Variants in KLHL18 observed in about 807,000 individuals in gnomAD.
KLHL18 encodes the protein kelch like family member 18.
In KLHL18, 38 loss-of-function variants were observed where a neutral mutation model predicts 58.5. The observed-to-expected ratio is 0.65, with a 90% CI of 0.50 to 0.85. The LOEUF (loss-of-function observed/expected upper bound fraction) is 0.85. Ranked by LOEUF, KLHL18 falls within the 40% of genes least tolerant of loss-of-function variation. The pLI is 0.00. For missense variants in KLHL18, 624 were observed against 778.4 expected (o/e 0.80, Z 2.36); for synonymous variants, 303 against 301.9 (o/e 1.00, Z -0.04).
Position 47,342,841 on chromosome 3 carries a change from G to C in KLHL18, c.1338+11G>C. 3.2e-6 allele frequency: 5 copies of C among 1,585,178 alleles called. No individual in the cohort carries two copies. Among genetic ancestry groups the C allele is most frequent in the Non-Finnish European group, 4.3e-6 (5 of 1,153,742 alleles). ...CAGATCTTCAGCAGTGTGAGTCTGG[G>C]CTCCCCCTGGGATAAGGGTACCTAC... is the stretch of plus-strand genomic sequence containing the variant. On this transcript the variant is annotated intron_variant, in intron 9 of 9. Transcript: ENST00000232766.
rs558800282 is a variant in KLHL18 at position 47,326,543 on chromosome 3, C to T, written c.402-3408C>T. 8.2e-4 allele frequency among the ~76,000 whole-genome samples: 125 copies of T among 152,260 alleles called. 1 individual carries two copies. The highest frequency in any genetic ancestry group is 3.3e-3 in the Admixed American group (50 of 15,290). On this transcript the variant is annotated intron_variant, in intron 3 of 9. Coordinates refer to ENST00000232766, the MANE Select transcript of KLHL18 (RefSeq NM_025010.5). The stretch of plus-strand genomic sequence containing the variant: ...CCTTTCCTGTGTGGCCGCTCTCCTT[C>T]CTTTTCCCCCACTAATTGCCTCACA...
At position 47,339,823 on chromosome 3, in the gene KLHL18, G is replaced by A. The variant is rs567183291; in HGVS notation, c.1122-749G>A. ...ACTCTTAACAATCCCAGCACTTTGG[G>A]AGGCTGAGACAAGAGGACAGAAGTT... is the stretch of plus-strand genomic sequence containing the variant. On this transcript the variant is annotated intron_variant, in intron 7 of 9. Transcript: ENST00000232766. 5.9e-5 allele frequency among the ~76,000 whole-genome samples: 9 copies of A among 151,840 alleles called. 1 individual carries two copies. In the South Asian group the frequency reaches 1.9e-3, roughly 32 times the overall value.
chr3:47,311,049 G>A (rs546285314), intron 1 of KLHL18, among the ~76,000 whole-genome samples: 2 of 149,970 alleles, frequency 1.3e-5, no homozygotes, highest in Non-Finnish European at 3.0e-5. Context: ...TCGCTCTGTC[G>A]CCCAGGCTGG....
At chr3:47,301,001 T>C (rs1329472649) in intron 1 of KLHL18, among the ~76,000 whole-genome samples, 1 of 152,172 alleles carries the variant, frequency 6.6e-6, no homozygotes, top group Non-Finnish European at 1.5e-5. Context: ...TTCTTATGTG[T>C]TTATTTGCCA....
chr3:47,286,322 G>A (rs1702676423), intron 1 of KLHL18, among the ~76,000 whole-genome samples: 1 of 152,116 alleles, frequency 6.6e-6, no homozygotes, highest in South Asian at 2.1e-4. Flanking sequence ...TGCAAACCAG[G>A]CTCTGCACAT....
chr3:47,320,749 A>T (rs1199957585), intron 2 of KLHL18, among the ~76,000 whole-genome samples: 3 of 152,020 alleles, frequency 2.0e-5, no homozygotes. Flanking sequence ...CCACATCTTT[A>T]TAAAAAAAAA....
intron 1 of KLHL18, among the ~76,000 whole-genome samples, chr3:47,314,289 T>G (rs533839894): frequency 5.8e-4 from 89 of 152,158 alleles, no homozygotes; most frequent in Admixed American, 2.4e-3. Flanking sequence ...CATAAACCAC[T>G]GTGCCCAGCA....
chr3:47,312,379 T>C (rs933616040), intron 1 of KLHL18, among the ~76,000 whole-genome samples: 5 of 152,348 alleles, frequency 3.3e-5, no homozygotes, highest in Admixed American at 6.5e-5. Flanking sequence ...AGAAGTATAT[T>C]TTTAGAGGTG....
At chr3:47,319,268 C>A (rs1703527604) in intron 1 of KLHL18, among the ~76,000 whole-genome samples, 1 of 152,158 alleles carries the variant, frequency 6.6e-6, no homozygotes, top group African/African-American at 2.4e-5. Context: ...TTTGTCTAGT[C>A]CATCTGCCTG....
intron 1 of KLHL18, among the ~76,000 whole-genome samples, chr3:47,290,780 A>G (rs1008928159): frequency 6.6e-6 from 1 of 152,178 alleles, no homozygotes; most frequent in Non-Finnish European, 1.5e-5. Context: ...TCTCTTTCTA[A>G]TGAGCAATAA....
chr3:47,324,908 A>G (rs1703679192), intron 3 of KLHL18, among the ~76,000 whole-genome samples: 1 of 152,210 alleles, frequency 6.6e-6, no homozygotes, highest in Non-Finnish European at 1.5e-5. Context: ...TTTTAGGAAT[A>G]AGTACTTACG....
intron 7 of KLHL18, chr3:47,337,324 T>TTTTTA: frequency 1.9e-5 from 3 of 161,038 alleles, no homozygotes; most frequent in Admixed American, 5.7e-5. Flanking sequence ...GCCAAGTTGA[T>TTTTTA]ATGTCACTCA....
In KLHL18 at chr3:47,334,960, T is replaced by A; in HGVS notation, c.898+141T>A. 1 of 809,630 alleles carries A rather than the reference T, an allele frequency of 1.2e-6. No individual in the cohort carries two copies. Among genetic ancestry groups the A allele is most frequent in the Non-Finnish European group, 1.9e-6 (1 of 521,388 alleles). 50.2% of individuals were successfully genotyped at this position (809,630 alleles called of 1,614,324 possible). A position where few individuals can be genotyped will look rare whatever the true frequency, so the allele number is the denominator to read the frequency against. ...CCCTCTTGATTTTATACAATTGCTC[T>A]ACAGTTAGAGCATGTCACATATTCA... is the stretch of plus-strand genomic sequence containing the variant. On this transcript the variant is annotated intron_variant, in intron 6 of 9. Coordinates refer to ENST00000232766, the MANE Select transcript of KLHL18 (RefSeq NM_025010.5). The surrounding 1 kb of genome is among the most constrained non-coding windows in gnomAD (Gnocchi z 4.7).
chr3:47,283,866 C>T (rs559660168), intron 1 of KLHL18, among the ~76,000 whole-genome samples: 1 of 152,296 alleles, frequency 6.6e-6, no homozygotes, highest in East Asian at 1.9e-4. Context: ...TGGAGACGTC[C>T]GGTTGGGGAG....
intron 1 of KLHL18, among the ~76,000 whole-genome samples, chr3:47,292,138 A>G (rs981423263): frequency 6.6e-6 from 1 of 152,198 alleles, no homozygotes; most frequent in African/African-American, 2.4e-5. Flanking sequence ...CTGTAGTTCA[A>G]ATATGACCCA....
intron 1 of KLHL18, among the ~76,000 whole-genome samples, chr3:47,289,714 T>C (rs1249116802): frequency 6.6e-6 from 1 of 152,100 alleles, no homozygotes; most frequent in African/African-American, 2.4e-5. Context: ...GCCCAGGAGG[T>C]CAAGGCTGCA....
intron 3 of KLHL18, among the ~76,000 whole-genome samples, chr3:47,328,589 T>G (rs956109772): frequency 6.6e-6 from 1 of 152,100 alleles, no homozygotes; most frequent in Non-Finnish European, 1.5e-5. Flanking sequence ...AGTGTAAGTC[T>G]GCCAGGCTAC....
intron 1 of KLHL18, among the ~76,000 whole-genome samples, chr3:47,310,235 C>G (rs924080453): frequency 6.6e-6 from 1 of 152,200 alleles, no homozygotes; most frequent in Non-Finnish European, 1.5e-5. Context: ...TTGTGTTGAG[C>G]AGCCCTGTCT....
At chr3:47,309,866 C>T (rs1240066699) in intron 1 of KLHL18, among the ~76,000 whole-genome samples, 1 of 152,056 alleles carries the variant, frequency 6.6e-6, no homozygotes, top group Non-Finnish European at 1.5e-5. Flanking sequence ...TCAGGCGTGG[C>T]AGCGCGCGCC....
Sources: gnomAD v4.1 joint callset for allele counts (sites outside exome capture counted in the v4.1 genomes callset) on GRCh38, gnomAD v4.1.1 for gene constraint, Gnocchi (gnomAD v3.1) non-coding constraint, MANE v1.5 for transcripts, NCBI Gene and HGNC (gene_info 2026-07-23, HGNC 2026-07-21) for gene names.